Variants in COLEC10 observed in about 807,000 individuals in gnomAD.
COLEC10 encodes the protein collectin-10.
Under a neutral mutation model 28.4 loss-of-function variants are expected in COLEC10, and 22 were observed. The ratio of observed to expected loss-of-function variants is 0.78; its 90% CI spans 0.55 to 1.11. The LOEUF is 1.11. Among genes scored for constraint, COLEC10 ranks in the 50% least tolerant of loss-of-function variants. The probability of loss-of-function intolerance (pLI) is 0.00; values close to 1 mark genes in which losing one functional copy is unlikely to be tolerated. For missense variants in COLEC10, 361 were observed against 344.1 expected (o/e 1.05, Z -0.39); for synonymous variants, 125 against 116.1 (o/e 1.08, Z -0.49).
chr8:119,071,195 G>A (rs949176750), intron 1 of COLEC10, among the ~76,000 whole-genome samples: 1 of 152,156 alleles, frequency 6.6e-6, no homozygotes, highest in Non-Finnish European at 1.5e-5. Context: ...AAAATATGCT[G>A]AAAATGATGG....
chr8:119,090,572 T>C (rs928552342), intron 2 of COLEC10, among the ~76,000 whole-genome samples: 1 of 152,204 alleles, frequency 6.6e-6, no homozygotes, highest in African/African-American at 2.4e-5. Context: ...AAAATAAAGA[T>C]TTTTAATTGG....
intron 3 of COLEC10, among the ~76,000 whole-genome samples, chr8:119,097,753 G>C (rs1815749502): frequency 1.3e-5 from 2 of 152,098 alleles, no homozygotes; most frequent in South Asian, 4.1e-4. Context: ...CTGAGATGCA[G>C]CTATGCTAAA....
intron 3 of COLEC10, among the ~76,000 whole-genome samples, chr8:119,096,074 G>A (rs1587062148): frequency 6.6e-6 from 1 of 151,948 alleles, no homozygotes; most frequent in East Asian, 1.9e-4. Context: ...TAATAATCTC[G>A]ATCCCATACT....
chr8:119,066,348 C>T (rs1814962297), upstream of COLEC10, among the ~76,000 whole-genome samples: 1 of 152,130 alleles, frequency 6.6e-6, no homozygotes. Flanking sequence ...AGATAGAGAT[C>T]CTGATCTCTG....
intron 3 of COLEC10, among the ~76,000 whole-genome samples, chr8:119,097,463 A>T (rs899156330): frequency 1.3e-5 from 2 of 152,136 alleles, no homozygotes; most frequent in Non-Finnish European, 2.9e-5. Flanking sequence ...TAATTCATTC[A>T]TTGACGAAAA....
At chr8:119,034,013 C>T (rs1246770401) in intron 2 of COLEC10, among the ~76,000 whole-genome samples, 1 of 152,136 alleles carries the variant, frequency 6.6e-6, no homozygotes, top group African/African-American at 2.4e-5. Flanking sequence ...AATAAATAGA[C>T]TAGATAAAGA....
chr8:118,954,137 G>A, the COLEC10 span, among the ~76,000 whole-genome samples: 1 of 152,292 alleles, frequency 6.6e-6, no homozygotes, highest in Non-Finnish European at 1.5e-5. Context: ...CTCAAATTCT[G>A]GCTCTCCCTG....
chr8:119,019,758 T>G (rs1814060262), intron 2 of COLEC10, among the ~76,000 whole-genome samples: 1 of 152,192 alleles, frequency 6.6e-6, no homozygotes, highest in African/African-American at 2.4e-5. Context: ...GGGCAGGAAT[T>G]GCCGTCTCAT....
intron 1 of COLEC10, among the ~76,000 whole-genome samples, chr8:119,071,934 A>T (rs1170178916): frequency 1.3e-5 from 2 of 152,242 alleles, no homozygotes; most frequent in Non-Finnish European, 2.9e-5. Context: ...CTCCCAAAAA[A>T]GGACTACTCC....
chr8:118,988,571 G>A, the COLEC10 span, among the ~76,000 whole-genome samples: 7 of 152,104 alleles, frequency 4.6e-5, no homozygotes, highest in Admixed American at 2.6e-4. Flanking sequence ...CATCACTGGC[G>A]AAACATCTGT....
chr8:119,046,237 CT>C (rs142719892), intron 2 of COLEC10, among the ~76,000 whole-genome samples: 6,122 of 151,582 alleles, frequency 0.04, 175 homozygotes, highest in East Asian at 0.16. Context: ...CATTTGTGAT[CT>C]TTTTTTTTCT....
chr8:119,047,639 T>C (rs939084378), intron 2 of COLEC10, among the ~76,000 whole-genome samples: 11 of 152,218 alleles, frequency 7.2e-5, no homozygotes, highest in African/African-American at 1.9e-4. Flanking sequence ...AACTAACCTA[T>C]ATTTAATATG....
intron 2 of COLEC10, among the ~76,000 whole-genome samples, chr8:119,051,053 T>C (rs1031965874): frequency 4.6e-5 from 7 of 152,164 alleles, no homozygotes; most frequent in Non-Finnish European, 1.0e-4. Context: ...TAAAGCTAAG[T>C]ATTTAAGTGA....
intron 2 of COLEC10, among the ~76,000 whole-genome samples, chr8:119,023,991 G>A (rs1814142315): frequency 6.6e-6 from 1 of 152,118 alleles, no homozygotes; most frequent in Admixed American, 6.6e-5. Context: ...GTTCCATTTG[G>A]CAGATACATG....
the COLEC10 span, among the ~76,000 whole-genome samples, chr8:118,985,461 G>A: frequency 6.6e-6 from 1 of 152,066 alleles, no homozygotes; most frequent in East Asian, 1.9e-4. Flanking sequence ...TCTGAGCCTG[G>A]TGTAAATCTT....
chr8:119,058,358 C>A (rs1479603234), intron 2 of COLEC10, among the ~76,000 whole-genome samples: 5 of 151,906 alleles, frequency 3.3e-5, no homozygotes, highest in Non-Finnish European at 7.4e-5. Context: ...CATCACTTTA[C>A]TGTAGATTTA....
intron 2 of COLEC10, among the ~76,000 whole-genome samples, chr8:119,090,762 T>C (rs953061882): frequency 4.6e-5 from 7 of 152,152 alleles, no homozygotes; most frequent in African/African-American, 1.4e-4. Flanking sequence ...AATCTTGTTT[T>C]AAAAGAGAGA....
the COLEC10 span, among the ~76,000 whole-genome samples, chr8:118,971,324 C>T: frequency 6.6e-6 from 1 of 152,082 alleles, no homozygotes; most frequent in South Asian, 2.1e-4. Flanking sequence ...TGCTGAAAGT[C>T]ATAGGTTGCT....
chr8:119,020,019 C>T (rs1814064946), intron 2 of COLEC10, among the ~76,000 whole-genome samples: 1 of 152,154 alleles, frequency 6.6e-6, no homozygotes, highest in Non-Finnish European at 1.5e-5. Flanking sequence ...GATCATGCAT[C>T]GTCTCCTCTT....
Sources: allele counts gnomAD v4.1 joint callset (sites outside exome capture counted in the v4.1 genomes callset), GRCh38; gene constraint gnomAD v4.1.1; transcripts MANE v1.5; gene names NCBI Gene and HGNC (gene_info 2026-07-23, HGNC 2026-07-21).